Variants in BTBD9 observed in about 807,000 individuals in gnomAD.
The protein encoded by BTBD9 is BTB/POZ domain-containing protein 9.
In BTBD9, 49 loss-of-function variants were observed where a neutral mutation model predicts 64.3. The ratio of observed to expected loss-of-function variants is 0.76; its 90% CI spans 0.61 to 0.97. BTBD9 has a LOEUF of 0.97. BTBD9 is among the 50% of genes least tolerant of loss of function. The pLI is 0.00. For synonymous variants in BTBD9, 260 were observed against 274.7 expected (o/e 0.95, Z 0.53); for missense variants, 598 against 762.1 (o/e 0.78, Z 2.53).
chr6:38,349,186 C>A (rs1000112914), intron 6 of BTBD9, among the ~76,000 whole-genome samples: 1 of 152,212 alleles, frequency 6.6e-6, no homozygotes, highest in Admixed American at 6.5e-5. Flanking sequence ...CCGCACCTGA[C>A]CCCCAAATTT....
At chr6:38,356,112 T>C (rs1218637034) in intron 6 of BTBD9, among the ~76,000 whole-genome samples, 1 of 152,184 alleles carries the variant, frequency 6.6e-6, no homozygotes, top group African/African-American at 2.4e-5. Context: ...TAAAAAACCA[T>C]GTCCTGCTCT....
chr6:38,395,998 C>T (rs1022273481), intron 6 of BTBD9, among the ~76,000 whole-genome samples: 1 of 152,084 alleles, frequency 6.6e-6, no homozygotes, highest in Non-Finnish European at 1.5e-5. Context: ...CATGAGCCAC[C>T]GCACCTGGCC....
chr6:38,562,548 A>G (rs1775306425), intron 6 of BTBD9, among the ~76,000 whole-genome samples: 1 of 152,250 alleles, frequency 6.6e-6, no homozygotes, highest in African/African-American at 2.4e-5. Context: ...TGCTTAATCA[A>G]TATTAAAGTT....
intron 8 of BTBD9, among the ~76,000 whole-genome samples, chr6:38,260,842 C>T (rs1046773238): frequency 6.6e-6 from 1 of 152,154 alleles, no homozygotes; most frequent in Non-Finnish European, 1.5e-5. Context: ...TATGTACTGA[C>T]TTCATAGTAT....
intron 10 of BTBD9, among the ~76,000 whole-genome samples, chr6:38,190,960 T>C (rs1762051204): frequency 6.6e-6 from 1 of 152,200 alleles, no homozygotes; most frequent in Non-Finnish European, 1.5e-5. Context: ...AAAAAACTAG[T>C]CTAAAATTTT....
At chr6:38,438,857 G>A (rs575174638) in intron 6 of BTBD9, among the ~76,000 whole-genome samples, 1 of 152,248 alleles carries the variant, frequency 6.6e-6, no homozygotes, top group South Asian at 2.1e-4. Context: ...CCTTACTAAG[G>A]CCTTACTGAG....
chr6:38,495,873 T>C (rs17650092), intron 6 of BTBD9, among the ~76,000 whole-genome samples: 32,098 of 152,174 alleles, frequency 0.21, 3,720 homozygotes, highest in Non-Finnish European at 0.24. Context: ...TATCCCATCT[T>C]AATTACTTTC....
chr6:38,246,705 A>G (rs532639572), intron 9 of BTBD9, among the ~76,000 whole-genome samples: 3 of 152,176 alleles, frequency 2.0e-5, no homozygotes, highest in Admixed American at 2.0e-4. Flanking sequence ...TAAAATCTTC[A>G]TCGAGCATTT....
chr6:38,442,049 G>A (rs1769058501), intron 6 of BTBD9, among the ~76,000 whole-genome samples: 1 of 152,128 alleles, frequency 6.6e-6, no homozygotes, highest in Non-Finnish European at 1.5e-5. Flanking sequence ...TGCGGCAAGA[G>A]AGAATAGCTT....
chr6:38,352,656 G>A lies in BTBD9; in HGVS notation c.1155-7563C>T, dbSNP rs531916758. On this transcript the variant is annotated intron_variant, in intron 6 of 10. Coordinates refer to ENST00000481247, the MANE Select transcript of BTBD9 (RefSeq NM_001099272.2). The stretch of plus-strand genomic sequence containing the variant: ...CATGTGTAGTAGTGGTAGAGAGAAG[G>A]CCATAAGAGCTTATTACCTATTCAC... Among the ~76,000 whole-genome samples, 9 of 152,310 alleles carry A rather than the reference G, an allele frequency of 5.9e-5. No homozygotes were observed. In the South Asian group the frequency reaches 1.7e-3, roughly 28 times the overall value.
intron 6 of BTBD9, among the ~76,000 whole-genome samples, chr6:38,360,555 C>G (rs542871792): frequency 6.6e-6 from 1 of 152,054 alleles, no homozygotes; most frequent in Non-Finnish European, 1.5e-5. Flanking sequence ...GGTACATAAT[C>G]CAGACACAGA....
At position 38,529,911 on chromosome 6, in the gene BTBD9, G is replaced by A. The variant is rs528241542; in HGVS notation, c.1154+47689C>T. Among the ~76,000 whole-genome samples the A allele has an allele frequency of 1.3e-4, 20 of 151,574 alleles. No homozygotes were observed. In the South Asian group the frequency reaches 4.2e-3, roughly 32 times the overall value. On this transcript the variant is annotated intron_variant, in intron 6 of 10. Transcript: ENST00000481247. ...GGGAAGACAACCATAAGGTCTGACT[G>A]CCTGCGGGGTCAGGCAAAAAGAGCC...
At chr6:38,247,002 G>A (rs1764231661) in intron 9 of BTBD9, among the ~76,000 whole-genome samples, 1 of 152,096 alleles carries the variant, frequency 6.6e-6, no homozygotes, top group Non-Finnish European at 1.5e-5. Flanking sequence ...GTGACATCAA[G>A]TTCTTTACAC....
At chr6:38,179,786 A>G (rs1221755133) in intron 10 of BTBD9, 2 of 456,660 alleles carry the variant, frequency 4.4e-6, no homozygotes, top group African/African-American at 4.0e-5. Context: ...TATTTCATAC[A>G]TCAGAGGTGT....
At position 38,294,210 on chromosome 6, in the gene BTBD9, A is replaced by G. The variant is rs561198439; in HGVS notation, c.1265-5749T>C. Among the ~76,000 whole-genome samples the G allele has an allele frequency of 2.6e-5, 4 of 152,308 alleles. No homozygotes were observed. The East Asian group carries it at 7.7e-4, about 29-fold the overall frequency. On this transcript the variant is annotated intron_variant, in intron 7 of 10. Coordinates refer to ENST00000481247, the MANE Select transcript of BTBD9 (RefSeq NM_001099272.2). ...TGTGGAGAATTAGGAACACTTTTAC[A>G]CTGTTGGTGGGACTGTAAACTAGTT...
chr6:38,354,810 G>A (rs1326113640), intron 6 of BTBD9, among the ~76,000 whole-genome samples: 2 of 151,920 alleles, frequency 1.3e-5, no homozygotes, highest in African/African-American at 4.8e-5. Flanking sequence ...AAAAGAATCA[G>A]AATAGTCAAA....
chr6:38,507,300 T>C (rs1308762664), intron 6 of BTBD9, among the ~76,000 whole-genome samples: 2 of 152,134 alleles, frequency 1.3e-5, no homozygotes, highest in Non-Finnish European at 2.9e-5. Context: ...TAACACAGAG[T>C]GTGTCTCACA....
intron 6 of BTBD9, among the ~76,000 whole-genome samples, chr6:38,453,104 T>C (rs540891178): frequency 4.6e-5 from 7 of 152,222 alleles, no homozygotes; most frequent in East Asian, 1.9e-4. Context: ...CCACAGACAA[T>C]AGTTTGAGTG....
At chr6:38,314,943 G>A (rs1033983687) in intron 7 of BTBD9, among the ~76,000 whole-genome samples, 4 of 152,096 alleles carry the variant, frequency 2.6e-5, no homozygotes, top group Admixed American at 2.0e-4. Flanking sequence ...TCCACCTCCC[G>A]GGTTCACGCT....
Sources: allele counts gnomAD v4.1 joint callset (sites outside exome capture counted in the v4.1 genomes callset), GRCh38; gene constraint gnomAD v4.1.1; transcripts MANE v1.5; gene names NCBI Gene and HGNC (gene_info 2026-07-23, HGNC 2026-07-21).